PTCHD4: variants seen among roughly 807,000 people sequenced by gnomAD.
PTCHD4 encodes the protein patched domain containing 4.
In PTCHD4, 33 loss-of-function variants were observed where a neutral mutation model predicts 58.1. The observed-to-expected ratio is 0.57, with a 90% CI of 0.43 to 0.76. The LOEUF is 0.76. Ranked by LOEUF, PTCHD4 falls within the 30% of genes least tolerant of loss-of-function variation. The pLI, the probability that PTCHD4 is intolerant of heterozygous loss-of-function variation, is 0.00. For missense variants in PTCHD4, 1,058 were observed against 1,027.1 expected (o/e 1.03, Z -0.41); for synonymous variants, 478 against 409.6 (o/e 1.17, Z -2.02).
intron 4 of PTCHD4, among the ~76,000 whole-genome samples, chr6:47,968,707 A>G (rs184679559): frequency 3.7e-4 from 57 of 152,294 alleles, no homozygotes; most frequent in Non-Finnish European, 4.0e-4. Context: ...TTGAGATGGT[A>G]GGAAGGTGGA....
chr6:47,907,238 G>A (rs1764918213), intron 4 of PTCHD4, among the ~76,000 whole-genome samples: 1 of 152,158 alleles, frequency 6.6e-6, no homozygotes, highest in Non-Finnish European at 1.5e-5. Flanking sequence ...AATTTCCTGA[G>A]ATTCTGCAGC....
At chr6:47,914,722 C>CTATCTAT (rs1765180214) in intron 4 of PTCHD4, among the ~76,000 whole-genome samples, 3 of 89,636 alleles carry the variant, frequency 3.3e-5, no homozygotes, top group African/African-American at 6.7e-5. Flanking sequence ...CTCTGTCTGT[C>CTATCTAT]TATCTATCTA....
intron 1 of PTCHD4, among the ~76,000 whole-genome samples, chr6:48,076,284 C>T (rs1283505457): frequency 6.6e-6 from 1 of 152,346 alleles, no homozygotes; most frequent in East Asian, 1.9e-4. Flanking sequence ...TCTGCTGTTG[C>T]TTTCTCCACT....
intron 3 of PTCHD4, among the ~76,000 whole-genome samples, chr6:48,046,407 T>C (rs1764039930): frequency 1.3e-5 from 2 of 151,852 alleles, no homozygotes; most frequent in African/African-American, 4.8e-5. Flanking sequence ...AGGATTCTGA[T>C]AGAATTAGAA....
At chr6:48,084,756 C>G (rs1765231204) in intron 1 of PTCHD4, among the ~76,000 whole-genome samples, 1 of 136,828 alleles carries the variant, frequency 7.3e-6, no homozygotes. Context: ...TTTTTTGAGA[C>G]AGAGTCTCGC....
chr6:48,002,284 T>C (rs1376487606), intron 4 of PTCHD4, among the ~76,000 whole-genome samples: 1 of 152,182 alleles, frequency 6.6e-6, no homozygotes, highest in African/African-American at 2.4e-5. Flanking sequence ...GGAGTATAAA[T>C]CATGCTGCTA....
At position 48,017,686 on chromosome 6, in the gene PTCHD4, A is replaced by G. The variant is rs538689096; in HGVS notation, c.418-8572T>C. The stretch of plus-strand genomic sequence containing the variant: ...ATACTGGAGTAGCCTCAAGTCAACA[A>G]TAAGGACATTGGGACCAAGAGAGAG... On this transcript the variant is annotated intron_variant, in intron 3 of 4. Coordinates refer to ENST00000339488, the MANE Select transcript of PTCHD4 (RefSeq NM_001384253.1). 2.0e-5 allele frequency among the ~76,000 whole-genome samples: 3 copies of G among 152,342 alleles called. No individual in the cohort carries two copies. The East Asian group carries it at 5.8e-4, about 29-fold the overall frequency.
At chr6:48,017,800 G>T (rs769474013) in intron 3 of PTCHD4, among the ~76,000 whole-genome samples, 17 of 152,088 alleles carry the variant, frequency 1.1e-4, no homozygotes, top group Non-Finnish European at 2.1e-4. Context: ...TAACACAACT[G>T]CCCATATATT....
chr6:47,995,083 C>G (rs146944780), intron 4 of PTCHD4, among the ~76,000 whole-genome samples: 1 of 152,048 alleles, frequency 6.6e-6, no homozygotes, highest in African/African-American at 2.4e-5. Context: ...TTTCATTTGA[C>G]CTGTTTATTG....
intron 1 of PTCHD4, among the ~76,000 whole-genome samples, chr6:48,099,150 A>T (rs1765540998): frequency 6.6e-6 from 1 of 152,160 alleles, no homozygotes; most frequent in African/African-American, 2.4e-5. Context: ...TGTGGACCTG[A>T]TCCAGATTAC....
At chr6:48,036,723 T>G (rs535433311) in intron 3 of PTCHD4, among the ~76,000 whole-genome samples, 1 of 152,022 alleles carries the variant, frequency 6.6e-6, no homozygotes, top group Non-Finnish European at 1.5e-5. Flanking sequence ...TTAAAGACAA[T>G]AGGTGAAAGT....
intron 4 of PTCHD4, among the ~76,000 whole-genome samples, chr6:47,934,713 T>C (rs1374931677): frequency 2.0e-4 from 31 of 152,102 alleles, no homozygotes; most frequent in Admixed American, 2.0e-3. Context: ...AATAAATCAC[T>C]CCCCAAAATA....
In PTCHD4 at chr6:48,099,458, C is replaced by T. The variant is rs148245382; in HGVS notation, c.-970+11591G>A. 5.7e-3 allele frequency among the ~76,000 whole-genome samples: 868 copies of T among 152,174 alleles called. 8 individuals are homozygous for T. Among genetic ancestry groups the T allele is most frequent in the African/African-American group, 0.019 (788 of 41,508 alleles). ...GGATATTAATTCCACAGGATAACAG[C>T]AACATGAGAGACGCAGATGAGAGAC... On this transcript the variant is annotated intron_variant, in intron 1 of 4. Transcript: ENST00000339488.
chr6:47,878,612 T>C lies in PTCHD4; in HGVS notation c.2223A>G (p.Arg741=), dbSNP rs1307039788. The part of the protein sequence containing the change: ...FTFVLATEHT[R]TQCIKSSLQD... ...GCAAGGAGCTTTTTATACATTGTGTTCGGGTGTGCTCAGTTGCTAATACAA... is the reference window on the plus strand; with the variant it reads ...GCAAGGAGCTTTTTATACATTGTGTCCGGGTGTGCTCAGTTGCTAATACAA... Residue 741 remains arginine, a synonymous_variant, in exon 5 of 5, where the codon CGA becomes CGG. Coordinates refer to ENST00000339488, the MANE Select transcript of PTCHD4 (RefSeq NM_001384253.1). The C allele has an allele frequency of 1.2e-6, 2 of 1,613,466 alleles. No homozygotes were observed. The highest frequency in any genetic ancestry group is 1.7e-6 in the Non-Finnish European group (2 of 1,179,764).
intron 3 of PTCHD4, among the ~76,000 whole-genome samples, chr6:48,050,197 C>A (rs1345414145): frequency 6.6e-6 from 1 of 151,798 alleles, no homozygotes; most frequent in Non-Finnish European, 1.5e-5. Context: ...GATGAGTCTT[C>A]CAAGAAAAGT....
intron 3 of PTCHD4, among the ~76,000 whole-genome samples, chr6:48,043,004 A>G (rs1763898818): frequency 1.3e-5 from 2 of 151,890 alleles, no homozygotes. Flanking sequence ...TAATGTATCA[A>G]ACGTAATCTG....
chr6:47,885,013 G>A (rs1176668723), intron 4 of PTCHD4, among the ~76,000 whole-genome samples: 1 of 152,094 alleles, frequency 6.6e-6, no homozygotes, highest in East Asian at 1.9e-4. Flanking sequence ...ATTGTCCACA[G>A]TATATTTTTG....
rs1768496302 is a variant in PTCHD4, at chr6:47,996,561, G to A, written c.898+12073C>T. Among the ~76,000 whole-genome samples the A allele has an allele frequency of 2.6e-5, 4 of 152,272 alleles. No homozygotes were observed. The South Asian group carries it at 8.3e-4, about 32-fold the overall frequency. ...TTGGAGAACAGCTAGCAGAGCCAAGGAGCCTGGGAGGCAAAGTCAAGAAAT... is the reference window on the plus strand; with the variant it reads ...TTGGAGAACAGCTAGCAGAGCCAAGAAGCCTGGGAGGCAAAGTCAAGAAAT... On this transcript the variant is annotated intron_variant, in intron 4 of 4. Transcript: ENST00000339488.
chr6:47,956,225 G>A (rs1387713498), intron 4 of PTCHD4, among the ~76,000 whole-genome samples: 1 of 152,140 alleles, frequency 6.6e-6, no homozygotes, highest in African/African-American at 2.4e-5. Context: ...ATACAAATAT[G>A]TGTAACAATA....
Sources: gnomAD v4.1 joint callset for allele counts (sites outside exome capture counted in the v4.1 genomes callset) on GRCh38, gnomAD v4.1.1 for gene constraint, MANE v1.5 for transcripts, NCBI Gene and HGNC (gene_info 2026-07-23, HGNC 2026-07-21) for gene names.